The following GNA12 variants were observed in gnomAD, a reference collection of about 807,000 sequenced individuals.
GNA12 encodes the protein G protein subunit alpha 12.
Under a neutral mutation model 26.0 loss-of-function variants are expected in GNA12, and 9 were observed. The observed-to-expected ratio is 0.35, with a 90% CI of 0.21 to 0.60. The LOEUF is 0.60. Ranked by LOEUF, GNA12 falls within the 20% of genes least tolerant of loss-of-function variation. The pLI is 0.78. For missense variants in GNA12, 405 were observed against 525.8 expected (o/e 0.77, Z 2.25); for synonymous variants, 264 against 219.6 (o/e 1.20, Z -1.79).
chr7:2,811,645 A>C (rs556380987), intron 1 of GNA12, among the ~76,000 whole-genome samples: 3 of 152,372 alleles, frequency 2.0e-5, no homozygotes, highest in Non-Finnish European at 4.4e-5. Flanking sequence ...GAACGATTGC[A>C]AAACCAGAAG....
At chr7:2,773,567 TAAAC>T (rs919294444) in intron 2 of GNA12, among the ~76,000 whole-genome samples, 51 of 151,976 alleles carry the variant, frequency 3.4e-4, no homozygotes, top group South Asian at 8.3e-4. Context: ...GTCTCAAAAA[TAAAC>T]AAACAAACAA....
At chr7:2,841,455 G>C (rs919551480) in intron 1 of GNA12, among the ~76,000 whole-genome samples, 22 of 152,312 alleles carry the variant, frequency 1.4e-4, no homozygotes, top group African/African-American at 5.3e-4. Flanking sequence ...TAACAGAGAA[G>C]TTACAGGGCA....
At chr7:2,745,331 C>A (rs1049856771) in intron 2 of GNA12, among the ~76,000 whole-genome samples, 1 of 152,244 alleles carries the variant, frequency 6.6e-6, no homozygotes, top group South Asian at 2.1e-4. Context: ...TTGGCAGAAA[C>A]TCTGCAAGCC....
In GNA12 at chr7:2,834,959, CGCGATGCATGACTATACATT is replaced by C. The variant is rs1393413252; in HGVS notation, c.309+8874_309+8893del. 2.0e-3 allele frequency among the ~76,000 whole-genome samples: 298 copies of C among 152,222 alleles called. 3 individuals carry two copies. Among genetic ancestry groups the C allele is most frequent in the African/African-American group, 6.6e-3 (276 of 41,522 alleles). On this transcript the variant is annotated intron_variant, in intron 1 of 3. Coordinates refer to ENST00000275364, the MANE Select transcript of GNA12 (RefSeq NM_007353.3). ...CGTTAAGCAATGCGTGACTATGCAT[CGCGATGCATGACTATACATT>C]GCGATGCGTGACTATACATCTGCAT...
intron 2 of GNA12, among the ~76,000 whole-genome samples, chr7:2,768,660 T>C: frequency 7.5e-6 from 1 of 132,996 alleles, no homozygotes. Flanking sequence ...GAATATGCTC[T>C]CAAGGTAAAA....
intron 2 of GNA12, among the ~76,000 whole-genome samples, chr7:2,793,881 C>CA (rs71026557): frequency 0.069 from 6,553 of 95,378 alleles, 205 homozygotes; most frequent in African/African-American, 0.079. Flanking sequence ...GACTCCATCT[C>CA]AAAAAAAAAA....
At chr7:2,832,828 C>T (rs1289365394) in intron 1 of GNA12, among the ~76,000 whole-genome samples, 1 of 152,202 alleles carries the variant, frequency 6.6e-6, no homozygotes, top group South Asian at 2.1e-4. Flanking sequence ...ATGTGCTGCC[C>T]TCCAGCACCT....
At chr7:2,806,380 G>T (rs1397893377) in intron 1 of GNA12, among the ~76,000 whole-genome samples, 1 of 150,532 alleles carries the variant, frequency 6.6e-6, no homozygotes, top group African/African-American at 2.5e-5. Context: ...CCAGCTACTC[G>T]GGAGGCAGAG....
chr7:2,789,132 CTTT>C (rs71026556), intron 2 of GNA12, among the ~76,000 whole-genome samples: 6 of 72,832 alleles, frequency 8.2e-5, no homozygotes, highest in South Asian at 5.5e-4. Context: ...CTTCAGGCAT[CTTT>C]TTTTTTTTTT....
At chr7:2,753,429 C>T (rs1791133603) in intron 2 of GNA12, among the ~76,000 whole-genome samples, 4 of 152,254 alleles carry the variant, frequency 2.6e-5, no homozygotes, top group South Asian at 4.1e-4. Context: ...TGAGCCCCTG[C>T]ACCTGGCAGC....
chr7:2,729,742 CT>C lies in GNA12; in HGVS notation c.*1438del, dbSNP rs1254961024. 1 of 152,380 alleles carries C rather than the reference CT, an allele frequency of 6.6e-6. No individual in the cohort carries two copies. The highest frequency in any genetic ancestry group is 1.5e-5 in the Non-Finnish European group (1 of 68,070). 9.4% of individuals were successfully genotyped at this position (152,380 alleles called of 1,614,324 possible). ...CATTCGGGTGCCAATTAAGAGGACG[CT>C]TTTCATTTTCTTGTAAATGCTAGGA... On this transcript the variant is annotated 3_prime_UTR_variant, in exon 4 of 4. Transcript: ENST00000275364.
At chr7:2,834,970 A>G (rs1778794159) in intron 1 of GNA12, among the ~76,000 whole-genome samples, 1 of 151,580 alleles carries the variant, frequency 6.6e-6, no homozygotes. Flanking sequence ...GCGATGCATG[A>G]CTATACATTG....
chr7:2,806,029 G>A (rs1471382151), intron 1 of GNA12, among the ~76,000 whole-genome samples: 2 of 152,220 alleles, frequency 1.3e-5, no homozygotes, highest in Non-Finnish European at 2.9e-5. Context: ...TTTTGGATAT[G>A]TTGGATTCAA....
chr7:2,783,991 A>G (rs1364310900), intron 2 of GNA12, among the ~76,000 whole-genome samples: 1 of 152,108 alleles, frequency 6.6e-6, no homozygotes, highest in Non-Finnish European at 1.5e-5. Flanking sequence ...GGCCTAATAA[A>G]TTTATTTTTA....
chr7:2,820,397 A>G (rs1327591511), intron 1 of GNA12, among the ~76,000 whole-genome samples: 2 of 128,538 alleles, frequency 1.6e-5, no homozygotes, highest in Admixed American at 8.2e-5. Flanking sequence ...ATAGCTCAAT[A>G]AAGCTTTTTT....
intron 1 of GNA12, among the ~76,000 whole-genome samples, chr7:2,817,608 G>A (rs760451955): frequency 6.6e-6 from 1 of 152,004 alleles, no homozygotes; most frequent in East Asian, 1.9e-4. Flanking sequence ...TGCCCATTAC[G>A]CAGACAACAT....
intron 2 of GNA12, among the ~76,000 whole-genome samples, chr7:2,777,432 C>T (rs771095837): frequency 2.0e-5 from 3 of 152,256 alleles, no homozygotes; most frequent in Non-Finnish European, 4.4e-5. Context: ...CACAATATCA[C>T]AACACTGTTA....
chr7:2,839,873 C>A (rs758358028), intron 1 of GNA12, among the ~76,000 whole-genome samples: 36 of 152,270 alleles, frequency 2.4e-4, no homozygotes, highest in Non-Finnish European at 2.2e-4. Flanking sequence ...GTGGTGGGCG[C>A]CTGTAATCCC....
intron 1 of GNA12, among the ~76,000 whole-genome samples, chr7:2,806,665 AAC>A (rs1448623611): frequency 6.6e-6 from 1 of 152,166 alleles, no homozygotes; most frequent in Non-Finnish European, 1.5e-5. Context: ...AACATTTTGT[AAC>A]ACTTTAAAAT....
Sources: allele counts gnomAD v4.1 joint callset (sites outside exome capture counted in the v4.1 genomes callset), GRCh38; gene constraint gnomAD v4.1.1; transcripts MANE v1.5; gene names NCBI Gene and HGNC (gene_info 2026-07-23, HGNC 2026-07-21).